AKR1C1: variants seen among roughly 807,000 people sequenced by gnomAD.
The protein encoded by AKR1C1 is 20 alpha-hydroxysteroid dehydrogenase.
AKR1C1 carries 32 observed loss-of-function variants against 40.6 expected under a neutral mutation model. That is an observed-to-expected ratio of 0.79 (90% CI 0.60 to 1.06). AKR1C1 has a LOEUF of 1.06. AKR1C1 is among the 50% of genes least tolerant of loss of function. The pLI, the probability that AKR1C1 is intolerant of heterozygous loss-of-function variation, is 0.00. For missense variants in AKR1C1, 320 were observed against 363.5 expected (o/e 0.88, Z 0.97); for synonymous variants, 105 against 134.2 (o/e 0.78, Z 1.50).
rs745930109 is a variant in AKR1C1 at position 4,968,791 on chromosome 10, T to A, written c.448-31T>A. On this transcript the variant is annotated intron_variant, in intron 4 of 8. Coordinates refer to ENST00000380872, the MANE Select transcript of AKR1C1 (RefSeq NM_001353.6). ...CAGTTCTGTGTCACATTTATCTTGATCTTCCACACCTCACAATTCCTTTTT... is the reference window on the plus strand; with the variant it reads ...CAGTTCTGTGTCACATTTATCTTGAACTTCCACACCTCACAATTCCTTTTT... 69 of 1,612,928 alleles carry A rather than the reference T, an allele frequency of 4.3e-5. No homozygotes were observed. The Admixed American group carries it at 1.1e-3, about 26-fold the overall frequency.
In AKR1C1 at chr10:4,981,066, T is replaced by G. The variant is rs1418479760; in HGVS notation, c.*3324T>G. 3 of 152,220 alleles carry G rather than the reference T, an allele frequency of 2.0e-5. No individual in the cohort carries two copies. The highest frequency in any genetic ancestry group is 7.2e-5 in the African/African-American group (3 of 41,468). The allele number at this position is 152,220 out of a possible 1,614,324, so 9.4% of individuals were successfully genotyped here. A position where few individuals can be genotyped will look rare whatever the true frequency, so the allele number is the denominator to read the frequency against. ...TCTTTCAACCTCTGTAAGAGAGTTC[T>G]TGGTTGATTAGGTACCTTGTCGATA... On this transcript the variant is annotated 3_prime_UTR_variant, in exon 9 of 9. Coordinates refer to ENST00000380872, the MANE Select transcript of AKR1C1 (RefSeq NM_001353.6).
intron 1 of AKR1C1, 149 bp from the exon 2 acceptor site, chr10:4,965,765 C>T: frequency 1.1e-6 from 1 of 893,998 alleles, no homozygotes; most frequent in East Asian, 2.8e-5. Context: ...TGGGAAAGAC[C>T]CAGGGAGACT....
rs1302146092 is a variant in AKR1C1 at position 4,978,655 on chromosome 10, T to C, written c.*913T>C. The C allele has an allele frequency of 2.0e-5, 3 of 152,238 alleles. No homozygotes were observed. Among genetic ancestry groups the C allele is most frequent in the African/African-American group, 7.2e-5 (3 of 41,466 alleles). The allele number at this position is 152,238 out of a possible 1,614,324, so 9.4% of individuals were successfully genotyped here. A position where few individuals can be genotyped will look rare whatever the true frequency, so the allele number is the denominator to read the frequency against. On this transcript the variant is annotated 3_prime_UTR_variant, in exon 9 of 9. Transcript: ENST00000380872. The stretch of plus-strand genomic sequence containing the variant: ...TATTAATTTGTGATATTCAGTCTTT[T>C]AAATATTTTATACATTAAACAGGCA...
At chr10:4,967,140 T>A in intron 3 of AKR1C1, 97 bp downstream of exon 3, 2 of 1,290,920 alleles carry the variant, frequency 1.5e-6, no homozygotes, top group Non-Finnish European at 2.2e-6. Flanking sequence ...TAGGAGGACA[T>A]AGGGATTATA....
At chr10:4,975,267 G>T (rs1836509716) in intron 7 of AKR1C1, among the ~76,000 whole-genome samples, 1 of 151,862 alleles carries the variant, frequency 6.6e-6, no homozygotes, top group African/African-American at 2.4e-5. Context: ...TACTCCTTCA[G>T]TTTCCCTATG....
At chr10:4,976,022 C>G (rs1489688717) in intron 8 of AKR1C1, 89 bp downstream of exon 8, 1 of 241,688 alleles carries the variant, frequency 4.1e-6, no homozygotes, top group Non-Finnish European at 7.7e-6. Context: ...ACCAGGGGCA[C>G]AGAGGCCAAC....
Position 4,979,234 on chromosome 10 carries a change from G to A in AKR1C1, c.*1492G>A, listed in dbSNP as rs186401951. On this transcript the variant is annotated 3_prime_UTR_variant, in exon 9 of 9. Coordinates refer to ENST00000380872, the MANE Select transcript of AKR1C1 (RefSeq NM_001353.6). ...AGACCAATTTTTTGGATTATTTTTC[G>A]TCTTCTATCATTCCGCTGATCTTAG... 2.6e-4 allele frequency: 40 copies of A among 152,004 alleles called. No individual in the cohort carries two copies. Among genetic ancestry groups the A allele is most frequent in the East Asian group, 1.2e-3 (6 of 5,188 alleles). The allele number at this position is 152,004 out of a possible 1,614,324, so 9.4% of individuals were successfully genotyped here. A position where few individuals can be genotyped will look rare whatever the true frequency, so the allele number is the denominator to read the frequency against.
chr10:4,977,603 C>T (rs1836545742), intron 8 of AKR1C1, 97 bp from the exon 9 acceptor site: 2 of 1,450,958 alleles, frequency 1.4e-6, no homozygotes, highest in African/African-American at 2.9e-5. Context: ...AACTTCTTAA[C>T]ATCTACACTA....
At chr10:4,965,843 G>A (rs890712861) in intron 1 of AKR1C1, 71 bp from the exon 2 acceptor site, 8 of 1,530,006 alleles carry the variant, frequency 5.2e-6, no homozygotes, top group Admixed American at 2.1e-5. Flanking sequence ...TTTTGTGAAC[G>A]TCGCTACTTG....
intron 8 of AKR1C1, among the ~76,000 whole-genome samples, chr10:4,976,852 AT>A (rs1461017658): frequency 2.0e-5 from 3 of 152,210 alleles, no homozygotes; most frequent in Non-Finnish European, 4.4e-5. Flanking sequence ...TATTAGTAGT[AT>A]TTTATTCATT....
intron 3 of AKR1C1, 54 bp downstream of exon 3, chr10:4,967,097 T>A (rs1380987220): frequency 6.5e-6 from 10 of 1,529,488 alleles, no homozygotes; most frequent in Admixed American, 3.4e-5. Context: ...GCATAAATAT[T>A]GTTTTTATGG....
At chr10:4,969,091 A>AGTCC in intron 5 of AKR1C1, 147 bp downstream of exon 5, 1 of 1,493,798 alleles carries the variant, frequency 6.7e-7, no homozygotes, top group African/African-American at 1.4e-5. Context: ...GCATAGAGGG[A>AGTCC]TCTTACTTGT....
Position 4,982,552 on chromosome 10 carries a change from C to G in AKR1C1, c.*4810C>G, listed in dbSNP as rs1375929424. 1 of 163,972 alleles carries G rather than the reference C, an allele frequency of 6.1e-6. No individual in the cohort carries two copies. Among genetic ancestry groups the G allele is most frequent in the African/African-American group, 2.4e-5 (1 of 41,586 alleles). 10.2% of individuals were successfully genotyped at this position (163,972 alleles called of 1,614,324 possible). On this transcript the variant is annotated 3_prime_UTR_variant, in exon 9 of 9. Coordinates refer to ENST00000380872, the MANE Select transcript of AKR1C1 (RefSeq NM_001353.6). ...CACAGGGGCTGCAGCCTGCCTTATC[C>G]AAGGACAGTTAGAGTGCAGACCCAC...
chr10:4,973,457 C>T lies in AKR1C1; in HGVS notation c.846+708C>T, dbSNP rs200064124. Among the ~76,000 whole-genome samples the T allele has an allele frequency of 1.7e-3, 257 of 152,308 alleles. 1 individual carries two copies. In the East Asian group the frequency reaches 0.04, roughly 24 times the overall value. ...GAGCGCCCCCCTCTCCCATGCAGTTCTTTATCCTCCAGCCATCCAGCCCAG... is the reference window on the plus strand; with the variant it reads ...GAGCGCCCCCCTCTCCCATGCAGTTTTTTATCCTCCAGCCATCCAGCCCAG... On this transcript the variant is annotated intron_variant, in intron 7 of 8. Transcript: ENST00000380872.
chr10:4,981,942 T>C lies in AKR1C1; in HGVS notation c.*4200T>C, dbSNP rs1836623720. On this transcript the variant is annotated 3_prime_UTR_variant, in exon 9 of 9. Transcript: ENST00000380872. ...GTTCTGTGCGCAGACTGCCTGGATG[T>C]AAACCTGGCACTGTTAGCAGAGCAC... 1 of 152,262 alleles carries C rather than the reference T, an allele frequency of 6.6e-6. No homozygotes were observed. Among genetic ancestry groups the C allele is most frequent in the Non-Finnish European group, 1.5e-5 (1 of 68,066 alleles). 9.4% of individuals were successfully genotyped at this position (152,262 alleles called of 1,614,324 possible). A position where few individuals can be genotyped will look rare whatever the true frequency, so the allele number is the denominator to read the frequency against.
At chr10:4,965,789 GA>G in intron 1 of AKR1C1, 124 bp from the exon 2 acceptor site, 2 of 1,146,292 alleles carry the variant, frequency 1.7e-6, no homozygotes, top group Non-Finnish European at 2.4e-6. Flanking sequence ...ATGGGCTCAT[GA>G]TTCTACATAC....
In AKR1C1 at chr10:4,972,590, C is replaced by A. The variant is rs782181146; in HGVS notation, c.687C>A (p.Asp229Glu). 1.2e-6 allele frequency: 2 copies of A among 1,613,796 alleles called. No homozygotes were observed. Among genetic ancestry groups the A allele is most frequent in the Non-Finnish European group, 1.7e-6 (2 of 1,179,950 alleles). ...TTTCTGCCTTTCCTTCCAGGGTGGA[C>A]CCGAACTCCCCGGTGCTCTTGGAGG... ...LGSHREEPWV[D>E]PNSPVLLEDP... Residue 229 changes from aspartate to glutamate, a missense_variant, in exon 7 of 9, where the codon GAC becomes GAA. Asp to Glu is a conservative substitution (Grantham distance 45, BLOSUM62 2). Around this residue, in one of 3 missense-constraint regions of AKR1C1, gnomAD observed 77 missense variants for 125.3 expected, o/e 0.61. Coordinates refer to ENST00000380872, the MANE Select transcript of AKR1C1 (RefSeq NM_001353.6).
In AKR1C1 at chr10:4,982,065, A is replaced by G. The variant is rs1157048009; in HGVS notation, c.*4323A>G. ...CACGGCAAGCTATTCAACATTACGTACAGGCATTTGAGGTCGGGGCATGGA... is the reference window on the plus strand; with the variant it reads ...CACGGCAAGCTATTCAACATTACGTGCAGGCATTTGAGGTCGGGGCATGGA... On this transcript the variant is annotated 3_prime_UTR_variant, in exon 9 of 9. Transcript: ENST00000380872. 6.6e-6 allele frequency: 1 copy of G among 152,290 alleles called. No homozygotes were observed. Among genetic ancestry groups the G allele is most frequent in the Non-Finnish European group, 1.5e-5 (1 of 68,114 alleles). The allele number at this position is 152,290 out of a possible 1,614,324, so 9.4% of individuals were successfully genotyped here.
rs376862415 is a variant in AKR1C1 at position 4,978,140 on chromosome 10, G to A, written c.*398G>A. 1.4e-5 allele frequency: 3 copies of A among 210,252 alleles called. No individual in the cohort carries two copies. The highest frequency in any genetic ancestry group is 2.8e-5 in the Non-Finnish European group (3 of 107,818). 13.0% of individuals were successfully genotyped at this position (210,252 alleles called of 1,614,324 possible). ...CCCTCTGGGAAAGGGGCAGGTGACA[G>A]GTATTTATCAGTCAGTGCCTCTCTA... On this transcript the variant is annotated 3_prime_UTR_variant, in exon 9 of 9. Coordinates refer to ENST00000380872, the MANE Select transcript of AKR1C1 (RefSeq NM_001353.6).
Sources: gnomAD v4.1 joint callset for allele counts (sites outside exome capture counted in the v4.1 genomes callset) on GRCh38, gnomAD v4.1.1 for gene constraint, gnomAD v4.1.1 regional missense constraint, MANE v1.5 for transcripts, NCBI Gene and HGNC (gene_info 2026-07-23, HGNC 2026-07-21) for gene names.